IKBIP: variants seen among roughly 807,000 people sequenced by gnomAD.
The protein encoded by IKBIP is IKBKB interacting protein.
IKBIP carries 28 observed loss-of-function variants against 31.0 expected under a neutral mutation model. The observed-to-expected ratio is 0.90, with a 90% CI of 0.67 to 1.24. IKBIP has a LOEUF of 1.24. Ranked by LOEUF, IKBIP falls within the 50% of genes most tolerant of loss-of-function variation. IKBIP has a pLI of 0.00. For missense variants in IKBIP, 453 were observed against 441.9 expected (o/e 1.03, Z -0.23); for synonymous variants, 164 against 160.3 (o/e 1.02, Z -0.17).
downstream of IKBIP, among the ~76,000 whole-genome samples, chr12:98,620,629 C>T (rs12579443): frequency 0.082 from 12,488 of 152,088 alleles, 619 homozygotes; most frequent in East Asian, 0.21. Flanking sequence ...CCTCCCAAAG[C>T]GCTGAAATTA....
At chr12:98,636,796 T>G (rs1304368568) in intron 1 of IKBIP, among the ~76,000 whole-genome samples, 2 of 152,114 alleles carry the variant, frequency 1.3e-5, no homozygotes, top group African/African-American at 4.8e-5. Context: ...TAGGATTTTT[T>G]TTTTTTCCCC....
intron 2 of IKBIP, among the ~76,000 whole-genome samples, chr12:98,629,215 A>C (rs548979576): frequency 6.6e-6 from 1 of 152,226 alleles, no homozygotes; most frequent in Admixed American, 6.5e-5. Flanking sequence ...ATGCAACAAG[A>C]ATGACTAACA....
At chr12:98,635,948 T>C (rs975743205) in intron 1 of IKBIP, among the ~76,000 whole-genome samples, 7 of 152,250 alleles carry the variant, frequency 4.6e-5, no homozygotes, top group African/African-American at 1.7e-4. Context: ...TATTCTTCAT[T>C]ATGGGTGGAA....
intron 1 of IKBIP, among the ~76,000 whole-genome samples, chr12:98,640,379 G>A (rs2097629355): frequency 6.6e-6 from 1 of 152,078 alleles, no homozygotes; most frequent in Admixed American, 6.6e-5. Context: ...GGTGGAGGTT[G>A]CGGTGAGCTG....
chr12:98,635,419 T>G (rs1322831844), intron 1 of IKBIP, among the ~76,000 whole-genome samples: 2 of 152,206 alleles, frequency 1.3e-5, no homozygotes, highest in Non-Finnish European at 2.9e-5. Flanking sequence ...ATCAGTTTCT[T>G]TTGACAGATT....
chr12:98,617,281 T>C (rs1191236543), intron 2 of IKBIP, among the ~76,000 whole-genome samples: 1 of 152,236 alleles, frequency 6.6e-6, no homozygotes, highest in Non-Finnish European at 1.5e-5. Context: ...TTTTCAACTT[T>C]TGTATGTTTC....
In IKBIP at chr12:98,624,509, A is replaced by C. The variant is rs1347619103; in HGVS notation, c.*1421T>G. The C allele has an allele frequency of 4.1e-6, 4 of 985,218 alleles. No individual in the cohort carries two copies. Among genetic ancestry groups the C allele is most frequent in the Admixed American group, 6.2e-5 (1 of 16,248 alleles). 61.0% of individuals were successfully genotyped at this position (985,218 alleles called of 1,614,324 possible). A position where few individuals can be genotyped will look rare whatever the true frequency, so the allele number is the denominator to read the frequency against. On this transcript the variant is annotated 3_prime_UTR_variant, in exon 3 of 3. Transcript: ENST00000299157. ...CAAATTTACATATTAAAACTACTTG[A>C]CCACAACTACCTTTTTGTAACTGAC...
At chr12:98,634,533 G>GTT in intron 1 of IKBIP, 120 bp from the exon 2 acceptor site, 1 of 453,356 alleles carries the variant, frequency 2.2e-6, no homozygotes, top group Non-Finnish European at 3.9e-6. Flanking sequence ...GGTAGCTGTA[G>GTT]GTTTTTTTTT....
At chr12:98,614,238 T>C (rs1349501874) in exon 3 of IKBIP, 1 of 1,613,672 alleles carries the variant, frequency 6.2e-7, no homozygotes, top group East Asian at 2.2e-5. Flanking sequence ...GTTATCCTAT[T>C]GGACCAAGTT....
chr12:98,626,088 C>G lies in IKBIP; in HGVS notation c.976G>C (p.Glu326Gln), dbSNP rs750117265. ...ATGCTATTATCATACTGAATTCCTT[C>G]AAGGGTTTTCTGCATCTCCATTATT... ...SEIMEMQKTL[E>Q]GIQYDNSILK... The change falls in exon 3 of 3, where the codon GAA becomes CAA. Residue 326 changes from glutamate to glutamine, a missense_variant. Glu to Gln is a conservative substitution (Grantham distance 29, BLOSUM62 2). Coordinates refer to ENST00000299157, the MANE Select transcript of IKBIP (RefSeq NM_153687.4). The G allele has an allele frequency of 5.0e-6, 8 of 1,601,184 alleles. No individual in the cohort carries two copies. In the African/African-American group the frequency reaches 1.1e-4, roughly 22 times the overall value.
At position 98,614,123 on chromosome 12, in the gene IKBIP, A is replaced by G. The variant is rs138508438; in HGVS notation, c.515T>C (p.Ile172Thr). 10 of 1,613,500 alleles carry G rather than the reference A, an allele frequency of 6.2e-6. No individual in the cohort carries two copies. The African/African-American group carries it at 8.0e-5, about 13-fold the overall frequency. Residue 172 changes from isoleucine to threonine, a missense_variant, in exon 3 of 3, where the codon ATT (isoleucine) becomes ACT (threonine). By Grantham distance (89) the Ile-to-Thr change is moderately conservative. Transcript: ENST00000342502. ...TCGTATATCTGTTTTTACACTTGTA[A>G]TCTTGAGACCAACATCTTTTGCCAT...
chr12:98,641,318 C>T (rs1458665389), intron 1 of IKBIP, among the ~76,000 whole-genome samples: 3 of 151,998 alleles, frequency 2.0e-5, no homozygotes, highest in African/African-American at 4.8e-5. Flanking sequence ...CCACCAGGGC[C>T]GTGTCAGTAC....
downstream of IKBIP, among the ~76,000 whole-genome samples, chr12:98,621,826 C>T (rs1403569055): frequency 6.6e-6 from 1 of 151,988 alleles, no homozygotes; most frequent in Non-Finnish European, 1.5e-5. Context: ...GTCTGTAATC[C>T]CAGCACTTTG....
intron 2 of IKBIP, among the ~76,000 whole-genome samples, chr12:98,615,720 T>C (rs534772397): frequency 6.6e-6 from 1 of 152,330 alleles, no homozygotes; most frequent in South Asian, 2.1e-4. Context: ...CTGACTTTTC[T>C]AGATTCCACA....
chr12:98,632,504 AAAAAAAAAATATATATAT>A (rs2097621373), intron 2 of IKBIP, among the ~76,000 whole-genome samples: 2 of 63,684 alleles, frequency 3.1e-5, no homozygotes, highest in Admixed American at 2.0e-4. Context: ...AAAAAAAAAA[AAAAAAAAAATATATATAT>A]ATATATATAT....
chr12:98,626,780 A>G lies in IKBIP; in HGVS notation c.298-14T>C, dbSNP rs767815828. On this transcript the variant is annotated splice_polypyrimidine_tract_variant and intron_variant, in intron 2 of 2. Transcript: ENST00000299157. ...AGTAGACTCAAGCTGCATTTATAAC[A>G]CAAAACAATTCCCAAGGCTACTTAA... The G allele has an allele frequency of 2.6e-6, 4 of 1,566,138 alleles. No homozygotes were observed. The African/African-American group carries it at 4.1e-5, about 16-fold the overall frequency.
At chr12:98,644,425 G>A in intron 1 of IKBIP, 98 bp downstream of exon 1, 1 of 1,190,452 alleles carries the variant, frequency 8.4e-7, no homozygotes. Flanking sequence ...CCAGGTCTGG[G>A]AGGTTGGATC....
intron 1 of IKBIP, among the ~76,000 whole-genome samples, chr12:98,638,356 T>C (rs1272602114): frequency 6.6e-6 from 1 of 152,076 alleles, no homozygotes; most frequent in Non-Finnish European, 1.5e-5. Flanking sequence ...GGTGTGATCA[T>C]GGCTCACTGT....
chr12:98,634,226 C>A (rs1203704731), intron 2 of IKBIP, 70 bp downstream of exon 2: 2 of 752,694 alleles, frequency 2.7e-6, no homozygotes, highest in Non-Finnish European at 4.7e-6. Flanking sequence ...AAGTTCTGAG[C>A]TGGGATAGAG....
Sources: allele counts gnomAD v4.1 joint callset (sites outside exome capture counted in the v4.1 genomes callset), GRCh38; gene constraint gnomAD v4.1.1; transcripts MANE v1.5; gene names NCBI Gene and HGNC (gene_info 2026-07-23, HGNC 2026-07-21).